The following TRMT2B variants were observed in gnomAD, a reference collection of about 807,000 sequenced individuals.
TRMT2B encodes tRNA methyltransferase 2B.
Under a neutral mutation model 39.7 loss-of-function variants are expected in TRMT2B, and 34 were observed. The ratio of observed to expected loss-of-function variants is 0.86; its 90% CI spans 0.65 to 1.14. TRMT2B has a LOEUF of 1.14. TRMT2B is among the 50% of genes most tolerant of loss of function. TRMT2B has a pLI of 0.00. For missense variants in TRMT2B, 318 were observed against 377.2 expected, an observed-to-expected ratio of 0.84 and a Z score of 1.30; for synonymous variants, 132 against 137.3, an observed-to-expected ratio of 0.96 and a Z score of 0.27.
At chrX:101,030,519 C>T (rs181752137) in intron 7 of TRMT2B, among the ~76,000 whole-genome samples, 1,308 of 97,471 alleles carry the variant, frequency 0.013, 41 homozygotes, top group African/African-American at 0.051. Context: ...GGCGCGAACT[C>T]GGCTCATTGC....
chrX:100,973,619 G>C, the TRMT2B span: 2 of 1,098,414 alleles, frequency 1.8e-6, no homozygotes, highest in Middle Eastern at 3.4e-4. Context: ...CTGACTAAAG[G>C]CTCAGTGTTT....
At chrX:100,993,679 C>A in the TRMT2B span, among the ~76,000 whole-genome samples, 1 of 111,651 alleles carries the variant, frequency 9.0e-6, no homozygotes, top group South Asian at 3.7e-4. Context: ...GGGTGTCAAC[C>A]AAATTTTCCT....
chrX:101,011,122 A>G (rs1419643512), intron 13 of TRMT2B, among the ~76,000 whole-genome samples: 1 of 112,115 alleles, frequency 8.9e-6, no homozygotes, highest in Non-Finnish European at 1.9e-5. Context: ...TATTCAATAC[A>G]GTCATGCATC....
chrX:101,048,553 C>T (rs1357667282), intron 2 of TRMT2B, among the ~76,000 whole-genome samples: 2 of 112,583 alleles, frequency 1.8e-5, no homozygotes, highest in Non-Finnish European at 3.8e-5. Context: ...ATTCTCCTGC[C>T]TCAGCCTCCC....
Position 101,011,616 on chromosome X carries a change from G to A in TRMT2B, c.1389-909C>T, listed in dbSNP as rs761267147. Among the ~76,000 whole-genome samples the A allele has an allele frequency of 1.8e-3, 201 of 111,238 alleles. 1 individual carries two copies. Among genetic ancestry groups the A allele is most frequent in the Non-Finnish European group, 3.1e-3 (163 of 53,058 alleles). Reference sequence around the variant, plus strand: ...ATAAAAAATAAATAAAATAAGGTCCGGGCATGGTGGCTCATGCCTGAAATC... The same window carrying A: ...ATAAAAAATAAATAAAATAAGGTCCAGGCATGGTGGCTCATGCCTGAAATC... On this transcript the variant is annotated intron_variant, in intron 13 of 13. Coordinates refer to ENST00000372936, the MANE Select transcript of TRMT2B (RefSeq NM_024917.6).
intron 4 of TRMT2B, among the ~76,000 whole-genome samples, chrX:101,040,140 A>T (rs188210674): frequency 9.2e-6 from 1 of 109,103 alleles, no homozygotes; most frequent in East Asian, 2.9e-4. Context: ...CTAAAAATAT[A>T]AAAATTAGCC....
the TRMT2B span, among the ~76,000 whole-genome samples, chrX:100,992,310 C>A: frequency 1.8e-5 from 2 of 111,672 alleles, no homozygotes; most frequent in Non-Finnish European, 3.8e-5. Context: ...AAATGCTGGC[C>A]GGGTGCAGTG....
At chrX:101,041,280 T>C (rs1469285833) in intron 4 of TRMT2B, 37 bp downstream of exon 4, 1 of 1,173,199 alleles carries the variant, frequency 8.5e-7, no homozygotes, top group Admixed American at 2.2e-5. Context: ...ACCATTCTCC[T>C]GGAAAGGAGG....
the TRMT2B span, chrX:100,990,521 T>C: frequency 3.6e-6 from 4 of 1,099,093 alleles, no homozygotes; most frequent in South Asian, 9.9e-5. Flanking sequence ...TAATATCACA[T>C]CCCTGAGAAC....
intron 13 of TRMT2B, among the ~76,000 whole-genome samples, chrX:101,016,510 T>A (rs1285064037): frequency 9.1e-6 from 1 of 109,320 alleles, no homozygotes; most frequent in African/African-American, 3.3e-5. Context: ...AGGGTCTCAC[T>A]CTGTCACCCA....
chrX:101,003,348 CTT>C, the TRMT2B span, among the ~76,000 whole-genome samples: 276 of 97,658 alleles, frequency 2.8e-3, no homozygotes, highest in African/African-American at 6.3e-3. Flanking sequence ...CATCCGATAG[CTT>C]TTTTTTTTTT....
chrX:101,045,312 C>T (rs1249082369), intron 2 of TRMT2B, among the ~76,000 whole-genome samples: 2 of 104,098 alleles, frequency 1.9e-5, no homozygotes, highest in Non-Finnish European at 3.9e-5. Flanking sequence ...AAATTAGCCG[C>T]GCATGGTGGC....
At chrX:100,990,363 G>A in the TRMT2B span, 13 of 928,579 alleles carry the variant, frequency 1.4e-5, no homozygotes, top group East Asian at 4.5e-4. Flanking sequence ...AACAGAGAAA[G>A]TAAAGAGAAA....
chrX:101,000,516 C>T, the TRMT2B span, among the ~76,000 whole-genome samples: 1 of 110,550 alleles, frequency 9.0e-6, no homozygotes, highest in Non-Finnish European at 1.9e-5. Flanking sequence ...TCTACCACAC[C>T]CCCCAAAATA....
At chrX:101,008,731 C>T (rs1203419704), downstream of TRMT2B, among the ~76,000 whole-genome samples, 2 of 111,858 alleles carry the variant, frequency 1.8e-5, no homozygotes, top group Non-Finnish European at 3.8e-5. Context: ...ACAAACTAAC[C>T]AATTCAGAGC....
At chrX:100,973,849 G>C in the TRMT2B span, 4 of 894,137 alleles carry the variant, frequency 4.5e-6, no homozygotes, top group African/African-American at 5.9e-5. Flanking sequence ...ATATTGTTAG[G>C]TGAAGTGATT....
chrX:101,042,392 T>C (rs996626019), intron 2 of TRMT2B, 80 bp from the exon 3 acceptor site: 4 of 1,051,394 alleles, frequency 3.8e-6, no homozygotes, highest in African/African-American at 3.7e-5. Context: ...TAAACCCTTA[T>C]GGAACTGAAG....
chrX:100,974,848 T>C, the TRMT2B span, among the ~76,000 whole-genome samples: 2 of 111,890 alleles, frequency 1.8e-5, no homozygotes, highest in East Asian at 5.6e-4. Context: ...CCTCCATCCA[T>C]GTTTATTGGA....
the TRMT2B span, among the ~76,000 whole-genome samples, chrX:100,998,712 G>A: frequency 9.0e-6 from 1 of 111,418 alleles, no homozygotes; most frequent in South Asian, 3.8e-4. Flanking sequence ...GGAGATGGGT[G>A]GTAAAAAGAG....
Sources: gnomAD v4.1 joint callset for allele counts (sites outside exome capture counted in the v4.1 genomes callset) on GRCh38, gnomAD v4.1.1 for gene constraint, MANE v1.5 for transcripts, NCBI Gene and HGNC (gene_info 2026-07-23, HGNC 2026-07-21) for gene names.